Variants in MPDZ observed in about 807,000 individuals in gnomAD.
MPDZ encodes multiple PDZ domain crumbs cell polarity complex component, also known as multiple PDZ domain protein.
Under a neutral mutation model 239.1 loss-of-function variants are expected in MPDZ, and 234 were observed. That is an observed-to-expected ratio of 0.98 (90% CI 0.88 to 1.09). The LOEUF (loss-of-function observed/expected upper bound fraction) is 1.09. MPDZ is among the 50% of genes least tolerant of loss of function. The pLI is 0.00. For synonymous variants in MPDZ, 1,048 were observed against 881.3 expected (o/e 1.19, Z -3.35); for missense variants, 3,175 against 2,510.0 (o/e 1.26, Z -5.66).
chr9:13,116,505 C>A (rs1943470406), intron 39 of MPDZ, among the ~76,000 whole-genome samples: 1 of 152,264 alleles, frequency 6.6e-6, no homozygotes, highest in Admixed American at 6.5e-5. Flanking sequence ...ATGAATCATA[C>A]TCTGAAAGGT....
intron 15 of MPDZ, among the ~76,000 whole-genome samples, chr9:13,191,342 A>C (rs1167733874): frequency 6.6e-6 from 1 of 152,152 alleles, no homozygotes; most frequent in Non-Finnish European, 1.5e-5. Context: ...TCAAATCCTA[A>C]CATCATCTCT....
chr9:13,242,411 AGAT>A lies in MPDZ; in HGVS notation c.183+5221_183+5223del, dbSNP rs1218555779. ...CGGCTAATTTTTGTATTTTTAGTAG[AGAT>A]GATGGGGTTTCACCACGTTGACCAT... On this transcript the variant is annotated intron_variant, in intron 3 of 46. Coordinates refer to ENST00000319217, the MANE Select transcript of MPDZ (RefSeq NM_001378778.1). Among the ~76,000 whole-genome samples the A allele has an allele frequency of 2.6e-5, 4 of 151,572 alleles. No individual in the cohort carries two copies. The East Asian group carries it at 7.8e-4, about 30-fold the overall frequency.
At chr9:13,245,412 A>G (rs79754559) in intron 3 of MPDZ, among the ~76,000 whole-genome samples, 7 of 112,806 alleles carry the variant, frequency 6.2e-5, no homozygotes, top group East Asian at 4.1e-4. Flanking sequence ...TCTACCTTTG[A>G]AAAAAAAAAA....
intron 3 of MPDZ, among the ~76,000 whole-genome samples, chr9:13,228,992 A>G (rs760746549): frequency 9.2e-5 from 14 of 152,158 alleles, no homozygotes; most frequent in Non-Finnish European, 1.9e-4. Context: ...GTATCATTCA[A>G]TATGCCTTCC....
chr9:13,192,299 T>G lies in MPDZ; in HGVS notation c.1804-4A>C, dbSNP rs1955038466. On this transcript the variant is annotated splice_polypyrimidine_tract_variant and splice_region_variant and intron_variant, in intron 14 of 46. Transcript: ENST00000319217. Reference sequence around the variant, plus strand: ...CAAGTAAAGTTATGCCATTTACCTGTGAAAAAAGATACATTGTCCAACAAA... The same window carrying G: ...CAAGTAAAGTTATGCCATTTACCTGGGAAAAAAGATACATTGTCCAACAAA... 6.3e-7 allele frequency: 1 copy of G among 1,587,980 alleles called. No homozygotes were observed. Among genetic ancestry groups the G allele is most frequent in the Non-Finnish European group, 8.6e-7 (1 of 1,165,660 alleles).
At chr9:13,139,959 T>A (rs749709882) in intron 28 of MPDZ, 28 bp downstream of exon 28, 2 of 1,613,006 alleles carry the variant, frequency 1.2e-6, no homozygotes, top group South Asian at 2.2e-5. Context: ...CCTCTTACAA[T>A]TAAATGCATC....
intron 19 of MPDZ, among the ~76,000 whole-genome samples, chr9:13,181,263 T>A (rs1178425852): frequency 6.6e-6 from 1 of 152,154 alleles, no homozygotes; most frequent in East Asian, 1.9e-4. Context: ...ACTTTATAAA[T>A]TAAAAAGCCT....
intron 23 of MPDZ, among the ~76,000 whole-genome samples, chr9:13,161,788 A>G (rs1950523144): frequency 6.6e-6 from 1 of 152,164 alleles, no homozygotes; most frequent in African/African-American, 2.4e-5. Context: ...AGTCAGCAGC[A>G]GCATCAAAAC....
In MPDZ at chr9:13,106,934, G is replaced by C. The variant is rs1037646301; in HGVS notation, c.*31C>G. 8 of 1,611,340 alleles carry C rather than the reference G, an allele frequency of 5.0e-6. No homozygotes were observed. Among genetic ancestry groups the C allele is most frequent in the South Asian group, 4.4e-5 (4 of 90,936 alleles). On this transcript the variant is annotated 3_prime_UTR_variant, in exon 47 of 47. Transcript: ENST00000319217. ...CTCTTTACAGTAGGAGGTGAGCTAG[G>C]GGTTGGGTTGGTTCAATTCTGGCAG...
At chr9:13,201,059 TA>T (rs1305897132) in intron 12 of MPDZ, among the ~76,000 whole-genome samples, 4 of 152,166 alleles carry the variant, frequency 2.6e-5, no homozygotes, top group African/African-American at 4.8e-5. Flanking sequence ...CCTTCAGGTT[TA>T]TTTTTTTTAA....
chr9:13,258,220 C>A (rs533023687), intron 1 of MPDZ, among the ~76,000 whole-genome samples: 79 of 152,298 alleles, frequency 5.2e-4, no homozygotes, highest in Non-Finnish European at 8.5e-4. Context: ...AGAGAATCAG[C>A]GTTTGAAACA....
chr9:13,198,735 C>CTGTGTGTGTGTGTG (rs1243812686), intron 12 of MPDZ, among the ~76,000 whole-genome samples: 293 of 17,026 alleles, frequency 0.017, 2 homozygotes, highest in African/African-American at 0.021. Flanking sequence ...TAATCTCTCT[C>CTGTGTGTGTGTGTG]TCTGTGTGTG....
chr9:13,172,497 C>G (rs1951916646), intron 21 of MPDZ, among the ~76,000 whole-genome samples: 1 of 151,858 alleles, frequency 6.6e-6, no homozygotes, highest in Admixed American at 6.6e-5. Context: ...ATTCTCCTGC[C>G]TCAGCCTCCT....
Position 13,190,224 on chromosome 9 carries a change from G to A in MPDZ, c.2044C>T (p.Gln682Ter). 2 of 1,612,844 alleles carry A rather than the reference G, an allele frequency of 1.2e-6. No homozygotes were observed. Among genetic ancestry groups the A allele is most frequent in the East Asian group, 2.2e-5 (1 of 44,728 alleles). ...GGTGCTTGAACCTCTTCTGTACTCT[G>A]ACCCGCATCAGTCATCGCCAGCACT... Reference protein sequence around the residue: ...DPVLAMTDAGQSTEEVQAPLA... With the variant: ...DPVLAMTDAG The change falls in exon 16 of 47, where the codon CAG becomes TAG. Residue 682 changes from glutamine to a stop codon, truncating the protein, a stop_gained. Transcript: ENST00000319217. LOFTEE classifies it high-confidence loss of function.
Position 13,176,302 on chromosome 9 carries a change from C to CTTA in MPDZ, c.2762_2764dup (p.Ile921dup). ...AGTAAAGCCAGAAGCAGGCCCCATACTTATGTCCACCGAAGGTGTATTCTC... is the reference window on the plus strand; with the variant it reads ...AGTAAAGCCAGAAGCAGGCCCCATACTTATTATGTCCACCGAAGGTGTATTCTC... On this transcript the variant is annotated inframe_insertion, in exon 20 of 47. Transcript: ENST00000319217. 1 of 1,610,186 alleles carries CTTA rather than the reference C, an allele frequency of 6.2e-7. No individual in the cohort carries two copies. Among genetic ancestry groups the CTTA allele is most frequent in the Non-Finnish European group, 8.5e-7 (1 of 1,178,012 alleles).
At chr9:13,180,877 G>A (rs967773515) in intron 19 of MPDZ, among the ~76,000 whole-genome samples, 3 of 151,868 alleles carry the variant, frequency 2.0e-5, no homozygotes, top group Non-Finnish European at 2.9e-5. Flanking sequence ...TCTTAAAAAA[G>A]TAAAGCAGAA....
Position 13,279,504 on chromosome 9 carries a change from C to A in MPDZ, c.-162G>T, listed in dbSNP as rs558822413. On this transcript the variant is annotated 5_prime_UTR_variant, in exon 1 of 47. Transcript: ENST00000319217. ...GCCTCGCCTCGCCCACGCTCACTGT[C>A]TTCTCTTCTGAAGTAACGACCCGGC... is the stretch of plus-strand genomic sequence containing the variant. 7.3e-6 allele frequency: 1 copy of A among 136,688 alleles called. No homozygotes were observed. The highest frequency in any genetic ancestry group is 2.7e-5 in the African/African-American group (1 of 37,714). The allele number at this position is 136,688 out of a possible 1,614,324, so 8.5% of individuals were successfully genotyped here.
At chr9:13,208,666 GAT>G (rs200037839) in intron 10 of MPDZ, among the ~76,000 whole-genome samples, 152 of 148,306 alleles carry the variant, frequency 1.0e-3, no homozygotes, top group African/African-American at 3.1e-3. Context: ...GTTTATATAG[GAT>G]ATATATATAT....
At chr9:13,250,205 C>G (rs2137986166) in intron 2 of MPDZ, 95 bp downstream of exon 2, 2 of 1,181,792 alleles carry the variant, frequency 1.7e-6, no homozygotes, top group East Asian at 2.5e-5. Context: ...ATACCATAGA[C>G]AGAATCCTGC....
Sources: allele counts gnomAD v4.1 joint callset (sites outside exome capture counted in the v4.1 genomes callset), GRCh38; gene constraint gnomAD v4.1.1; transcripts MANE v1.5; gene names NCBI Gene and HGNC (gene_info 2026-07-23, HGNC 2026-07-21).